Variants in GPC6 observed in about 807,000 individuals in gnomAD.
The protein encoded by GPC6 is glypican-6.
A neutral mutation model predicts 55.2 loss-of-function variants in GPC6; 14 were observed. That is an observed-to-expected ratio of 0.25 (90% CI 0.17 to 0.40). The LOEUF (loss-of-function observed/expected upper bound fraction) is 0.40, where lower values mean the gene tolerates loss of function less well. GPC6 is among the 10% of genes least tolerant of loss of function. GPC6 has a pLI of 1.00. For missense variants in GPC6, 641 were observed against 708.5 expected, an observed-to-expected ratio of 0.90 and a Z score of 1.08; for synonymous variants, 278 against 259.6, an observed-to-expected ratio of 1.07 and a Z score of -0.68.
At chr13:93,525,828 A>T (rs1373637635) in intron 1 of GPC6, among the ~76,000 whole-genome samples, 2 of 152,088 alleles carry the variant, frequency 1.3e-5, no homozygotes, top group Non-Finnish European at 2.9e-5. Flanking sequence ...TGAGTAGAGA[A>T]ATGTAAAGTG....
intron 1 of GPC6, among the ~76,000 whole-genome samples, chr13:93,495,596 T>C (rs9589752): frequency 0.72 from 66,616 of 91,984 alleles, 24,789 homozygotes; most frequent in East Asian, 0.98. Flanking sequence ...GGAGGAGAGG[T>C]GCTCTGCTTT....
At chr13:93,744,702 G>A (rs1884335384) in intron 2 of GPC6, among the ~76,000 whole-genome samples, 2 of 151,810 alleles carry the variant, frequency 1.3e-5, no homozygotes, top group East Asian at 1.9e-4. Context: ...CACTTTGGGA[G>A]GCTGACGCAG....
intron 8 of GPC6, among the ~76,000 whole-genome samples, chr13:94,401,543 G>A (rs1031699007): frequency 7.2e-5 from 11 of 152,214 alleles, no homozygotes; most frequent in Non-Finnish European, 1.0e-4. Flanking sequence ...TTCAAGCAGA[G>A]AATGGCCAAC....
chr13:93,738,971 A>ACACT (rs201795050), intron 2 of GPC6, among the ~76,000 whole-genome samples: 1 of 142,796 alleles, frequency 7.0e-6, no homozygotes, highest in Non-Finnish European at 1.6e-5. Flanking sequence ...ACACACACAC[A>ACACT]CTCACACACA....
intron 1 of GPC6, among the ~76,000 whole-genome samples, chr13:93,489,930 T>C (rs1466411788): frequency 6.6e-6 from 1 of 151,540 alleles, no homozygotes; most frequent in Non-Finnish European, 1.5e-5. Flanking sequence ...CAATTTGACT[T>C]CCTCTTTTCC....
chr13:93,653,463 A>G (rs1010176153), intron 2 of GPC6, among the ~76,000 whole-genome samples: 7 of 152,066 alleles, frequency 4.6e-5, no homozygotes, highest in Non-Finnish European at 7.4e-5. Context: ...CCACCATGCC[A>G]TTTTCACAAG....
intron 7 of GPC6, 75 bp downstream of exon 7, chr13:94,382,625 T>C: frequency 1.9e-6 from 3 of 1,583,652 alleles, no homozygotes; most frequent in Non-Finnish European, 2.6e-6. Context: ...GGCACAACTC[T>C]ACAAACCTGT....
intron 4 of GPC6, among the ~76,000 whole-genome samples, chr13:94,149,436 T>C (rs1197896098): frequency 6.6e-6 from 1 of 152,150 alleles, no homozygotes; most frequent in Non-Finnish European, 1.5e-5. Context: ...TGTGATGGTG[T>C]TCACATATGC....
chr13:93,839,254 C>T lies in GPC6; in HGVS notation c.711+8709C>T, dbSNP rs529841885. Among the ~76,000 whole-genome samples, 14 of 152,162 alleles carry T rather than the reference C, an allele frequency of 9.2e-5. No individual in the cohort carries two copies. In the East Asian group the frequency reaches 2.5e-3, roughly 27 times the overall value. On this transcript the variant is annotated intron_variant, in intron 3 of 8. Coordinates refer to ENST00000377047, the MANE Select transcript of GPC6 (RefSeq NM_005708.5). ...AGAACAAGGTGTGCAAAGCTTGGTT[C>T]GTGGACTGCTGCATGTTCATAAATA... is the stretch of plus-strand genomic sequence containing the variant.
intron 1 of GPC6, among the ~76,000 whole-genome samples, chr13:93,325,389 A>C (rs1879619092): frequency 6.6e-6 from 1 of 152,184 alleles, no homozygotes; most frequent in South Asian, 2.1e-4. Context: ...ACAGACAATA[A>C]GGATTTAATT....
chr13:94,165,207 GTA>G (rs369079874), intron 4 of GPC6, among the ~76,000 whole-genome samples: 3 of 147,712 alleles, frequency 2.0e-5, no homozygotes, highest in African/African-American at 2.5e-5. Context: ...GTGTGTGTGT[GTA>G]TATATATATA....
At chr13:94,290,626 G>T (rs1874910565) in intron 5 of GPC6, among the ~76,000 whole-genome samples, 1 of 151,956 alleles carries the variant, frequency 6.6e-6, no homozygotes. Flanking sequence ...CAAATGCATT[G>T]CACCTCACAT....
chr13:94,179,715 C>T (rs537283985), intron 4 of GPC6, among the ~76,000 whole-genome samples: 4 of 152,100 alleles, frequency 2.6e-5, no homozygotes, highest in South Asian at 2.1e-4. Flanking sequence ...GCTGAGAAAG[C>T]ACAACAGGAG....
intron 3 of GPC6, among the ~76,000 whole-genome samples, chr13:93,904,879 A>C (rs1474287371): frequency 6.6e-6 from 1 of 150,686 alleles, no homozygotes; most frequent in Non-Finnish European, 1.5e-5. Context: ...GCACCCACTA[A>C]CTCGTCATCT....
chr13:93,791,297 T>C (rs542243417), intron 2 of GPC6, among the ~76,000 whole-genome samples: 5 of 152,338 alleles, frequency 3.3e-5, no homozygotes, highest in African/African-American at 1.2e-4. Context: ...GTCCCTGTCT[T>C]GTAAAAAACT....
rs190942797 is a variant in GPC6, at chr13:93,810,836, G to A, written c.320-19318G>A. Among the ~76,000 whole-genome samples, 160 of 152,312 alleles carry A rather than the reference G, an allele frequency of 1.1e-3. 3 individuals are homozygous for A. The highest frequency in any genetic ancestry group is 2.1e-3 in the Admixed American group (32 of 15,300). On this transcript the variant is annotated intron_variant, in intron 2 of 8. Coordinates refer to ENST00000377047, the MANE Select transcript of GPC6 (RefSeq NM_005708.5). ...TGCTTTAAGTTTTTATTCATCTTAT[G>A]TAGATACATATGTATATTTTCTTTC... is the stretch of plus-strand genomic sequence containing the variant.
At chr13:93,612,274 C>T (rs1024458540) in intron 2 of GPC6, among the ~76,000 whole-genome samples, 8 of 152,118 alleles carry the variant, frequency 5.3e-5, no homozygotes, top group African/African-American at 1.2e-4. Context: ...CCGAGGCGTG[C>T]GGATCACGAG....
Position 93,340,030 on chromosome 13 carries a change from T to C in GPC6, c.160+112414T>C, listed in dbSNP as rs1298333843. Among the ~76,000 whole-genome samples the C allele has an allele frequency of 1.0e-4, 9 of 89,132 alleles. No homozygotes were observed. In the East Asian group the frequency reaches 2.8e-3, roughly 27 times the overall value. The allele number at this position is 89,132 out of a possible 152,430, so 58.5% of individuals were successfully genotyped here. ...ACAAAAACAAAAGTTTTCTTTCTTTTTTTTTTTTTTTTTTTTTTTTTTTGA... is the reference window on the plus strand; with the variant it reads ...ACAAAAACAAAAGTTTTCTTTCTTTCTTTTTTTTTTTTTTTTTTTTTTTGA... On this transcript the variant is annotated intron_variant, in intron 1 of 8. Coordinates refer to ENST00000377047, the MANE Select transcript of GPC6 (RefSeq NM_005708.5).
intron 3 of GPC6, among the ~76,000 whole-genome samples, chr13:94,008,836 A>G (rs776775498): frequency 6.6e-6 from 1 of 152,158 alleles, no homozygotes; most frequent in East Asian, 1.9e-4. Flanking sequence ...TTTCTTTAAC[A>G]GTTGTTTTCC....
Sources: allele counts gnomAD v4.1 joint callset (sites outside exome capture counted in the v4.1 genomes callset), GRCh38; gene constraint gnomAD v4.1.1; transcripts MANE v1.5; gene names NCBI Gene and HGNC (gene_info 2026-07-23, HGNC 2026-07-21).